RASEF: variants seen among roughly 807,000 people sequenced by gnomAD.
The protein encoded by RASEF is ras and EF-hand domain-containing protein.
Under a neutral mutation model 90.1 loss-of-function variants are expected in RASEF, and 68 were observed. That is an observed-to-expected ratio of 0.75 (90% CI 0.62 to 0.92). The LOEUF (loss-of-function observed/expected upper bound fraction) is 0.92, where lower values mean the gene tolerates loss of function less well. Ranked by LOEUF, RASEF falls within the 40% of genes least tolerant of loss-of-function variation. The probability of loss-of-function intolerance (pLI) is 0.00; values close to 1 mark genes in which losing one functional copy is unlikely to be tolerated. For missense variants in RASEF, 949 were observed against 937.2 expected, an observed-to-expected ratio of 1.01 and a Z score of -0.16; for synonymous variants, 331 against 345.2, an observed-to-expected ratio of 0.96 and a Z score of 0.46.
At chr9:83,181,088 G>A in the RASEF span, among the ~76,000 whole-genome samples, 1 of 149,222 alleles carries the variant, frequency 6.7e-6, no homozygotes, top group Non-Finnish European at 1.5e-5. Context: ...TCTCAAATGT[G>A]TTCTAATTTT....
chr9:83,130,274 G>T, the RASEF span, among the ~76,000 whole-genome samples: 1 of 152,052 alleles, frequency 6.6e-6, no homozygotes, highest in Admixed American at 6.5e-5. Flanking sequence ...AGCTGTTTTA[G>T]TTTCACAGCA....
the RASEF span, among the ~76,000 whole-genome samples, chr9:83,206,538 A>G: frequency 6.6e-6 from 1 of 152,218 alleles, no homozygotes. Context: ...CGATTTACTA[A>G]GATTACTTTT....
chr9:83,137,863 T>C, the RASEF span, among the ~76,000 whole-genome samples: 2 of 150,378 alleles, frequency 1.3e-5, no homozygotes, highest in Non-Finnish European at 3.0e-5. Context: ...AAGGGAGAGA[T>C]GGATGTGGGT....
the RASEF span, among the ~76,000 whole-genome samples, chr9:83,200,665 G>A: frequency 6.6e-6 from 1 of 152,226 alleles, no homozygotes; most frequent in African/African-American, 2.4e-5. Flanking sequence ...TGGAATGTAA[G>A]CTCCAGGAAG....
chr9:82,984,788 G>A (rs184297511), intron 16 of RASEF, among the ~76,000 whole-genome samples: 133 of 152,288 alleles, frequency 8.7e-4, no homozygotes, highest in African/African-American at 3.0e-3. Context: ...AATCTTGGTC[G>A]TTCTGTCATT....
At chr9:83,205,431 C>T in the RASEF span, among the ~76,000 whole-genome samples, 1 of 152,210 alleles carries the variant, frequency 6.6e-6, no homozygotes, top group Admixed American at 6.5e-5. Context: ...TCACTACTTT[C>T]TCAACAAAAT....
At chr9:83,091,985 ATTCTTT>A in the RASEF span, among the ~76,000 whole-genome samples, 3 of 32,998 alleles carry the variant, frequency 9.1e-5, no homozygotes, top group East Asian at 2.7e-3. Flanking sequence ...ACATTTTTAT[ATTCTTT>A]TTCTTTTATT....
chr9:83,060,931 C>T (rs547603934), intron 1 of RASEF, among the ~76,000 whole-genome samples: 1 of 152,308 alleles, frequency 6.6e-6, no homozygotes, highest in African/African-American at 2.4e-5. Context: ...GGTTTGTACA[C>T]TGACCCAGGT....
the RASEF span, among the ~76,000 whole-genome samples, chr9:83,145,226 A>G: frequency 6.6e-6 from 1 of 152,182 alleles, no homozygotes; most frequent in Non-Finnish European, 1.5e-5. Context: ...AACAAGGACT[A>G]TAAAACATAT....
chr9:83,118,388 T>C, the RASEF span, among the ~76,000 whole-genome samples: 1 of 152,210 alleles, frequency 6.6e-6, no homozygotes, highest in African/African-American at 2.4e-5. Context: ...GGGATTTTGT[T>C]TTGGTAAATA....
At chr9:83,216,440 G>A in the RASEF span, among the ~76,000 whole-genome samples, 4 of 152,216 alleles carry the variant, frequency 2.6e-5, no homozygotes, top group Non-Finnish European at 4.4e-5. Context: ...TACAGCTCAG[G>A]CTGTGGCTTC....
At chr9:83,000,600 T>C (rs1829014991) in intron 10 of RASEF, 30 bp from the exon 11 acceptor site, 1 of 1,566,880 alleles carries the variant, frequency 6.4e-7, no homozygotes, top group South Asian at 1.2e-5. Context: ...AGCAGTTAAA[T>C]TAAAAAATGT....
chr9:83,075,383 A>G, the RASEF span, among the ~76,000 whole-genome samples: 64 of 152,356 alleles, frequency 4.2e-4, no homozygotes, highest in African/African-American at 1.2e-3. Context: ...AAAAAGCCTC[A>G]AAGTCTTTTT....
chr9:83,004,610 G>T, intron 8 of RASEF, 24 bp from the exon 9 acceptor site: 1 of 1,367,264 alleles, frequency 7.3e-7, no homozygotes, highest in African/African-American at 1.4e-5. Flanking sequence ...GTAATCATTT[G>T]TTAGTTCATG....
chr9:83,008,939 G>A (rs1233530653), intron 6 of RASEF, among the ~76,000 whole-genome samples: 8 of 51,626 alleles, frequency 1.5e-4, no homozygotes, highest in African/African-American at 3.9e-4. Flanking sequence ...TATATATGAC[G>A]TGGGCTCTGT....
At chr9:83,035,223 C>G (rs1158011333) in intron 1 of RASEF, among the ~76,000 whole-genome samples, 1 of 152,188 alleles carries the variant, frequency 6.6e-6, no homozygotes, top group African/African-American at 2.4e-5. Context: ...CTTTGCAGGA[C>G]ATACTATCTC....
rs190458722 is a variant in RASEF at position 83,059,949 on chromosome 9, T to C, written c.431+2488A>G. The stretch of plus-strand genomic sequence containing the variant: ...ATCCCTTCATGATGCAATATTATCT[T>C]CCCTCTAACATCACGATTACTGATG... On this transcript the variant is annotated intron_variant, in intron 1 of 16. Transcript: ENST00000376447. Among the ~76,000 whole-genome samples the C allele has an allele frequency of 7.9e-5, 12 of 152,306 alleles. No homozygotes were observed. The South Asian group carries it at 1.5e-3, about 18-fold the overall frequency.
intron 3 of RASEF, among the ~76,000 whole-genome samples, chr9:83,016,819 G>C: frequency 6.6e-6 from 1 of 152,182 alleles, no homozygotes; most frequent in South Asian, 2.1e-4. Flanking sequence ...CAGAGGTAGC[G>C]TGTCTTACTG....
chr9:83,109,037 T>C, the RASEF span, among the ~76,000 whole-genome samples: 69 of 151,920 alleles, frequency 4.5e-4, no homozygotes, highest in Non-Finnish European at 3.2e-4. Context: ...GACAAAGGAG[T>C]TCATTAGCAG....
Sources: allele counts gnomAD v4.1 joint callset (sites outside exome capture counted in the v4.1 genomes callset), GRCh38; gene constraint gnomAD v4.1.1; transcripts MANE v1.5; gene names NCBI Gene and HGNC (gene_info 2026-07-23, HGNC 2026-07-21).